Variants in ENTPD5 observed in about 807,000 individuals in gnomAD.
ENTPD5 encodes the protein ectonucleoside triphosphate diphosphohydrolase 5 (inactive), also known as nucleoside diphosphate phosphatase ENTPD5.
A neutral mutation model predicts 60.2 loss-of-function variants in ENTPD5; 49 were observed. The observed-to-expected ratio is 0.81, with a 90% CI of 0.65 to 1.03. The LOEUF is 1.03. Among genes scored for constraint, ENTPD5 ranks in the 50% least tolerant of loss-of-function variants. The probability of loss-of-function intolerance (pLI) is 0.00; values close to 1 mark genes in which losing one functional copy is unlikely to be tolerated. For missense variants in ENTPD5, 480 were observed against 507.6 expected (o/e 0.95, Z 0.52); for synonymous variants, 187 against 185.4 (o/e 1.01, Z -0.07).
chr14:73,976,951 A>C, intron 8 of ENTPD5, 73 bp downstream of exon 8: 1 of 1,287,750 alleles, frequency 7.8e-7, no homozygotes, highest in Non-Finnish European at 1.1e-6. Context: ...GAATGAAAGA[A>C]AAGGCTTTTA....
Position 73,966,831 on chromosome 14 carries a change from A to T in ENTPD5, c.*97T>A, listed in dbSNP as rs2056991228. ...AATTAAACCTAAATCTCTAGGCTCA[A>T]GTCCAGGATGTCCCCAGACTAGTTC... On this transcript the variant is annotated 3_prime_UTR_variant, in exon 16 of 16. Coordinates refer to ENST00000334696, the MANE Select transcript of ENTPD5 (RefSeq NM_001249.5). 1 of 900,986 alleles carries T rather than the reference A, an allele frequency of 1.1e-6. No homozygotes were observed. Among genetic ancestry groups the T allele is most frequent in the Non-Finnish European group, 1.8e-6 (1 of 554,396 alleles). The allele number at this position is 900,986 out of a possible 1,614,324, so 55.8% of individuals were successfully genotyped here. A position where few individuals can be genotyped will look rare whatever the true frequency, so the allele number is the denominator to read the frequency against.
intron 6 of ENTPD5, among the ~76,000 whole-genome samples, chr14:73,981,390 T>A (rs2057682710): frequency 6.6e-6 from 1 of 151,550 alleles, no homozygotes; most frequent in South Asian, 2.1e-4. Flanking sequence ...TCCCAACTAC[T>A]CTGGAGGCTG....
At chr14:74,014,633 A>T (rs1421304869) in intron 2 of ENTPD5, among the ~76,000 whole-genome samples, 2 of 152,244 alleles carry the variant, frequency 1.3e-5, no homozygotes, top group Non-Finnish European at 2.9e-5. Flanking sequence ...TTAAATTTTT[A>T]AAAATTTATC....
rs565544924 is a variant in ENTPD5, at chr14:74,003,477, G to A, written c.-71+7614C>T. 1.5e-4 allele frequency: 216 copies of A among 1,427,334 alleles called. 1 individual carries two copies. Among genetic ancestry groups the A allele is most frequent in the Non-Finnish European group, 1.4e-4 (145 of 1,056,168 alleles). 88.4% of individuals were successfully genotyped at this position (1,427,334 alleles called of 1,614,324 possible). A position where few individuals can be genotyped will look rare whatever the true frequency, so the allele number is the denominator to read the frequency against. On this transcript the variant is annotated intron_variant, in intron 3 of 15. Transcript: ENST00000334696. ...GATGAGGCAGAGGTCCAAGTAAACC[G>A]CTAGCTTGTTGCACCGTGGAGGCCA... is the stretch of plus-strand genomic sequence containing the variant.
At chr14:73,979,943 ATTT>A (rs554438546) in intron 6 of ENTPD5, among the ~76,000 whole-genome samples, 13 of 127,538 alleles carry the variant, frequency 1.0e-4, no homozygotes, top group African/African-American at 2.4e-4. Flanking sequence ...TTTTGCCATG[ATTT>A]TTTTTTTTTT....
At chr14:73,982,488 A>G (rs967092526) in intron 6 of ENTPD5, among the ~76,000 whole-genome samples, 1 of 152,082 alleles carries the variant, frequency 6.6e-6, no homozygotes, top group Non-Finnish European at 1.5e-5. Context: ...CAGGTGCAGC[A>G]GCTCATGCCT....
chr14:73,987,055 G>C, intron 4 of ENTPD5, 162 bp from the exon 5 acceptor site: 1 of 716,912 alleles, frequency 1.4e-6, no homozygotes, highest in Non-Finnish European at 2.6e-6. Context: ...CTGGAAAGAA[G>C]GACTAGAGCA....
intron 6 of ENTPD5, among the ~76,000 whole-genome samples, chr14:73,980,504 T>A (rs966789412): frequency 6.6e-6 from 1 of 152,172 alleles, no homozygotes; most frequent in Non-Finnish European, 1.5e-5. Flanking sequence ...CCTCAGGTGA[T>A]CTGCCCGCCT....
At chr14:73,961,529 C>T, downstream of ENTPD5, 3 of 1,614,150 alleles carry the variant, frequency 1.9e-6, no homozygotes, top group Non-Finnish European at 2.5e-6. Flanking sequence ...TCCAGCTTGG[C>T]CCATCACCTC....
intron 3 of ENTPD5, among the ~76,000 whole-genome samples, chr14:73,999,716 T>C (rs1485095213): frequency 6.6e-6 from 1 of 150,472 alleles, no homozygotes; most frequent in Non-Finnish European, 1.5e-5. Context: ...TGCTTGAACC[T>C]GGCAGGCGGA....
intron 3 of ENTPD5, among the ~76,000 whole-genome samples, chr14:73,992,079 C>T (rs1003278076): frequency 1.3e-5 from 2 of 151,708 alleles, no homozygotes; most frequent in African/African-American, 2.4e-5. Context: ...CATTTTCTTC[C>T]GGTATTAATG....
intron 6 of ENTPD5, among the ~76,000 whole-genome samples, chr14:73,979,970 G>C (rs1199616819): frequency 7.6e-6 from 1 of 131,108 alleles, no homozygotes; most frequent in Non-Finnish European, 1.6e-5. Context: ...TTTTGAGACA[G>C]AGTTTCACTC....
intron 2 of ENTPD5, among the ~76,000 whole-genome samples, chr14:74,015,419 C>T (rs1338547196): frequency 7.6e-6 from 1 of 131,846 alleles, no homozygotes; most frequent in East Asian, 2.2e-4. Flanking sequence ...TACAGTGGCA[C>T]GGCTCACTGC....
chr14:74,002,033 C>T (rs2058528006), intron 3 of ENTPD5, among the ~76,000 whole-genome samples: 1 of 152,054 alleles, frequency 6.6e-6, no homozygotes, highest in South Asian at 2.1e-4. Flanking sequence ...CCAATATTTA[C>T]GGAGATCTTA....
intron 3 of ENTPD5, among the ~76,000 whole-genome samples, chr14:74,001,139 C>T (rs1399808922): frequency 6.6e-6 from 1 of 152,032 alleles, no homozygotes; most frequent in Non-Finnish European, 1.5e-5. Context: ...GGGAGGATTG[C>T]TTGACCCCAA....
chr14:73,963,176 G>A, downstream of ENTPD5: 1 of 696,850 alleles, frequency 1.4e-6, no homozygotes, highest in South Asian at 1.7e-5. Context: ...AATTTGCTGT[G>A]AGGAGCGTAT....
intron 6 of ENTPD5, among the ~76,000 whole-genome samples, chr14:73,980,402 A>T (rs1301776438): frequency 6.8e-6 from 1 of 146,664 alleles, no homozygotes; most frequent in East Asian, 2.1e-4. Flanking sequence ...GTAGTTGACC[A>T]ACAGGCGTGA....
intron 13 of ENTPD5, among the ~76,000 whole-genome samples, chr14:73,972,420 A>G (rs1369648957): frequency 6.6e-6 from 1 of 151,926 alleles, no homozygotes; most frequent in African/African-American, 2.4e-5. Flanking sequence ...ACAACAACAA[A>G]ACCCCCACAA....
At chr14:73,961,203 G>T (rs760972463), downstream of ENTPD5, 21 of 1,613,910 alleles carry the variant, frequency 1.3e-5, no homozygotes, top group East Asian at 2.2e-5. Context: ...GGACTTCATC[G>T]ACACAGCTGG....
Sources: allele counts gnomAD v4.1 joint callset (sites outside exome capture counted in the v4.1 genomes callset), GRCh38; gene constraint gnomAD v4.1.1; transcripts MANE v1.5; gene names NCBI Gene and HGNC (gene_info 2026-07-23, HGNC 2026-07-21).